The following NFIA variants were observed in gnomAD, a reference collection of about 807,000 sequenced individuals.
NFIA encodes nuclear factor I A, also known as nuclear factor 1 A-type.
In NFIA, 8 loss-of-function variants were observed where a neutral mutation model predicts 62.8. That is an observed-to-expected ratio of 0.13 (90% CI 0.07 to 0.23). The LOEUF (loss-of-function observed/expected upper bound fraction) is 0.23. Ranked by LOEUF, NFIA falls within the 10% of genes least tolerant of loss-of-function variation. The probability of loss-of-function intolerance (pLI) is 1.00; values close to 1 mark genes in which losing one functional copy is unlikely to be tolerated. For synonymous variants in NFIA, 235 were observed against 238.1 expected, an observed-to-expected ratio of 0.99 and a Z score of 0.12; for missense variants, 410 against 642.1, an observed-to-expected ratio of 0.64 and a Z score of 3.91.
In NFIA at chr1:61,462,086, C is replaced by T. The variant is rs541292953; in HGVS notation, c.*6766C>T. 5.7e-5 allele frequency: 8 copies of T among 139,688 alleles called. No homozygotes were observed. The South Asian group carries it at 6.8e-4, about 12-fold the overall frequency. The allele number at this position is 139,688 out of a possible 1,614,324, so 8.7% of individuals were successfully genotyped here. ...TTTTTTTTTCTTTTGACATTGCAAC[C>T]GAAGGTCATAAGGCCGCTAGCTCCG... On this transcript the variant is annotated 3_prime_UTR_variant, in exon 11 of 11. Coordinates refer to ENST00000403491, the MANE Select transcript of NFIA (RefSeq NM_001134673.4).
Position 61,371,789 on chromosome 1 carries a change from A to G in NFIA, c.947-11448A>G, listed in dbSNP as rs563892238. Among the ~76,000 whole-genome samples the G allele has an allele frequency of 4.7e-4, 72 of 152,296 alleles. 1 individual carries two copies. In the South Asian group the frequency reaches 7.2e-3, roughly 15 times the overall value. On this transcript the variant is annotated intron_variant, in intron 6 of 10. Transcript: ENST00000403491. ...GACAGAGAGGAACCTAGTTTTGTCT[A>G]TTGAGACACATATGGAAATAGTCCT...
At chr1:61,310,069 A>G (rs976305535) in intron 3 of NFIA, among the ~76,000 whole-genome samples, 5 of 152,230 alleles carry the variant, frequency 3.3e-5, no homozygotes, top group Non-Finnish European at 7.4e-5. Flanking sequence ...CATGGTAGAG[A>G]TAATTTACAA....
chr1:61,333,459 A>AT (rs1661418315), intron 4 of NFIA, among the ~76,000 whole-genome samples: 1 of 152,154 alleles, frequency 6.6e-6, no homozygotes, highest in Admixed American at 6.5e-5. Context: ...AAAATCCTGG[A>AT]TTTTGTCTGT....
intron 2 of NFIA, among the ~76,000 whole-genome samples, chr1:61,271,511 C>T (rs1216833405): frequency 6.6e-6 from 1 of 152,166 alleles, no homozygotes; most frequent in Non-Finnish European, 1.5e-5. Flanking sequence ...TTAAGTAGGC[C>T]TTGACAATGC....
chr1:61,407,332 A>C (rs1665892321), intron 9 of NFIA, among the ~76,000 whole-genome samples: 1 of 152,114 alleles, frequency 6.6e-6, no homozygotes, highest in African/African-American at 2.4e-5. Context: ...AGTAGGATGG[A>C]AGGAGGAGAG....
intron 2 of NFIA, among the ~76,000 whole-genome samples, chr1:61,147,263 G>A (rs1648079637): frequency 6.6e-6 from 1 of 151,912 alleles, no homozygotes; most frequent in African/African-American, 2.4e-5. Context: ...CAATTCTCGT[G>A]CCTCAGCCTC....
At chr1:61,094,977 A>G (rs759145575) in intron 2 of NFIA, among the ~76,000 whole-genome samples, 4 of 152,240 alleles carry the variant, frequency 2.6e-5, no homozygotes, top group Non-Finnish European at 4.4e-5. Context: ...GCTAAATAAG[A>G]TAAAACTGAG....
intron 8 of NFIA, among the ~76,000 whole-genome samples, chr1:61,405,679 C>T (rs1665781171): frequency 6.6e-6 from 1 of 152,092 alleles, no homozygotes; most frequent in African/African-American, 2.4e-5. Flanking sequence ...GTCCTGACAC[C>T]CTATATAACT....
chr1:61,322,960 G>T (rs2100372025), intron 3 of NFIA, among the ~76,000 whole-genome samples: 1 of 152,236 alleles, frequency 6.6e-6, no homozygotes, highest in East Asian at 1.9e-4. Flanking sequence ...TATGGCTATG[G>T]CAGAAATCAT....
At chr1:61,446,525 G>A (rs1022602226) in intron 10 of NFIA, among the ~76,000 whole-genome samples, 1 of 152,198 alleles carries the variant, frequency 6.6e-6, no homozygotes, top group South Asian at 2.1e-4. Context: ...GTGGACAGGG[G>A]AGAATTAAAG....
chr1:61,436,047 T>C (rs1331969023), intron 10 of NFIA, among the ~76,000 whole-genome samples: 1 of 152,122 alleles, frequency 6.6e-6, no homozygotes, highest in Non-Finnish European at 1.5e-5. Flanking sequence ...TCCTGGCGTT[T>C]TGTGCAGACC....
chr1:61,176,664 GTTAACC>G (rs1425556022), intron 2 of NFIA, among the ~76,000 whole-genome samples: 15 of 152,042 alleles, frequency 9.9e-5, no homozygotes, highest in African/African-American at 3.4e-4. Context: ...GAATACTACA[GTTAACC>G]TTAATCTTAC....
At chr1:61,297,901 G>A (rs565810936) in intron 3 of NFIA, among the ~76,000 whole-genome samples, 1 of 152,246 alleles carries the variant, frequency 6.6e-6, no homozygotes, top group East Asian at 1.9e-4. Flanking sequence ...AAATAAAAAA[G>A]CACCCCCAAA....
At chr1:61,164,265 A>G (rs1034250857) in intron 2 of NFIA, among the ~76,000 whole-genome samples, 1 of 152,118 alleles carries the variant, frequency 6.6e-6, no homozygotes, top group Admixed American at 6.5e-5. Flanking sequence ...ATGTATGTTG[A>G]AGGTAGGATA....
At chr1:61,129,334 A>C (rs1350158587) in intron 2 of NFIA, among the ~76,000 whole-genome samples, 1 of 152,098 alleles carries the variant, frequency 6.6e-6, no homozygotes, top group Non-Finnish European at 1.5e-5. Flanking sequence ...TATATCAGCC[A>C]TTATTTTACA....
Position 61,088,302 on chromosome 1 carries a change from C to T in NFIA, c.181C>T (p.Leu61=), listed in dbSNP as rs1429483154. 6.2e-7 allele frequency: 1 copy of T among 1,613,132 alleles called. No homozygotes were observed. The change falls in exon 2 of 11, where the codon CTA becomes TTA. Residue 61 remains leucine (L), a synonymous_variant. Coordinates refer to ENST00000403491, the MANE Select transcript of NFIA (RefSeq NM_001134673.4). The surrounding 1 kb of genome is among the most constrained non-coding windows in gnomAD (Gnocchi z 4.5). The part of the protein sequence containing the change: ...EEERAVKDEL[L]SEKPEVKQKW... ...AGAGAGAGCCGTGAAGGATGAATTG[C>T]TAAGTGAAAAACCAGAGGTCAAGCA...
rs540945138 is a variant in NFIA, at chr1:61,264,997, G to C, written c.560-12523G>C. On this transcript the variant is annotated intron_variant, in intron 2 of 10. Transcript: ENST00000403491. Reference sequence around the variant, plus strand: ...TTTGAAAGCGTTTCAGGATTTCAAAGCTACATAAGCGAATTCACGTGTTTT... The same window carrying C: ...TTTGAAAGCGTTTCAGGATTTCAAACCTACATAAGCGAATTCACGTGTTTT... Among the ~76,000 whole-genome samples the C allele has an allele frequency of 7.2e-5, 11 of 152,308 alleles. No homozygotes were observed. The East Asian group carries it at 2.1e-3, about 29-fold the overall frequency.
chr1:61,368,019 C>T (rs140816824), intron 6 of NFIA, among the ~76,000 whole-genome samples: 2,389 of 152,284 alleles, frequency 0.016, 26 homozygotes, highest in Non-Finnish European at 0.021. Flanking sequence ...ATACGTTTGT[C>T]GAACGAATGA....
intron 2 of NFIA, among the ~76,000 whole-genome samples, chr1:61,112,028 A>G (rs1001976494): frequency 4.6e-5 from 7 of 152,224 alleles, no homozygotes; most frequent in East Asian, 1.9e-4. Flanking sequence ...TTAAGTTACA[A>G]TTACACTAAT....
Sources: gnomAD v4.1 joint callset for allele counts (sites outside exome capture counted in the v4.1 genomes callset) on GRCh38, gnomAD v4.1.1 for gene constraint, Gnocchi (gnomAD v3.1) non-coding constraint, MANE v1.5 for transcripts, NCBI Gene and HGNC (gene_info 2026-07-23, HGNC 2026-07-21) for gene names.